ARPC1A: variants seen among roughly 807,000 people sequenced by gnomAD.
ARPC1A encodes actin-related protein 2/3 complex subunit 1A.
In ARPC1A, 8 loss-of-function variants were observed where a neutral mutation model predicts 46.9. The observed-to-expected ratio is 0.17, with a 90% CI of 0.10 to 0.31. ARPC1A has a LOEUF of 0.31. ARPC1A is among the 10% of genes least tolerant of loss of function. The pLI, the probability that ARPC1A is intolerant of heterozygous loss-of-function variation, is 1.00. For synonymous variants in ARPC1A, 152 were observed against 169.0 expected, an observed-to-expected ratio of 0.90 and a Z score of 0.78; for missense variants, 286 against 483.6, an observed-to-expected ratio of 0.59 and a Z score of 3.83.
At chr7:99,359,486 G>T (rs764079066) in intron 7 of ARPC1A, 59 bp from the exon 8 acceptor site, 1 of 1,535,458 alleles carries the variant, frequency 6.5e-7, no homozygotes. Flanking sequence ...TGAACACTCT[G>T]CCAAGGAGGT....
At chr7:99,352,503 T>G (rs1334253653) in intron 5 of ARPC1A, among the ~76,000 whole-genome samples, 2 of 146,606 alleles carry the variant, frequency 1.4e-5, no homozygotes, top group Non-Finnish European at 3.0e-5. Flanking sequence ...CAAAAAATTT[T>G]AAAATATTAG....
intron 2 of ARPC1A, among the ~76,000 whole-genome samples, chr7:99,334,444 C>T (rs1793205007): frequency 6.6e-6 from 1 of 151,922 alleles, no homozygotes; most frequent in African/African-American, 2.4e-5. Context: ...TCCAATTTCG[C>T]TTATTTTTCT....
chr7:99,362,876 C>T (rs970025454), intron 8 of ARPC1A, among the ~76,000 whole-genome samples: 2 of 151,902 alleles, frequency 1.3e-5, no homozygotes, highest in Non-Finnish European at 2.9e-5. Flanking sequence ...TGGTCGGAAT[C>T]TAGTGGTGTG....
At chr7:99,349,479 C>T (rs1256169965) in intron 5 of ARPC1A, among the ~76,000 whole-genome samples, 1 of 151,782 alleles carries the variant, frequency 6.6e-6, no homozygotes, top group Non-Finnish European at 1.5e-5. Flanking sequence ...CTGAGGTGGG[C>T]GGATCACCTG....
intron 1 of ARPC1A, among the ~76,000 whole-genome samples, chr7:99,331,717 A>G (rs2150857997): frequency 6.6e-6 from 1 of 152,202 alleles, no homozygotes; most frequent in African/African-American, 2.4e-5. Flanking sequence ...CCAGGTGTTC[A>G]AGACCAGCCT....
intron 1 of ARPC1A, among the ~76,000 whole-genome samples, chr7:99,326,438 C>G (rs1450681498): frequency 6.6e-6 from 1 of 152,202 alleles, no homozygotes; most frequent in Non-Finnish European, 1.5e-5. Context: ...TAGGGCAGCC[C>G]TCAATCCTTC....
intron 7 of ARPC1A, among the ~76,000 whole-genome samples, chr7:99,358,989 G>A (rs1257046790): frequency 6.6e-6 from 1 of 151,408 alleles, no homozygotes; most frequent in African/African-American, 2.4e-5. Flanking sequence ...CCGCCACCTC[G>A]CCGGGCTAAT....
chr7:99,347,304 C>G (rs1484421448), intron 4 of ARPC1A, among the ~76,000 whole-genome samples: 2 of 152,176 alleles, frequency 1.3e-5, no homozygotes, highest in Non-Finnish European at 1.5e-5. Context: ...TTCCTGTACT[C>G]AAGCAATCCT....
At chr7:99,348,606 C>A (rs544512054) in intron 4 of ARPC1A, among the ~76,000 whole-genome samples, 8 of 152,242 alleles carry the variant, frequency 5.3e-5, no homozygotes, top group Admixed American at 1.3e-4. Context: ...TTGTCTCTGG[C>A]AGAAGGCCTG....
At chr7:99,349,611 G>A (rs1008432501) in intron 5 of ARPC1A, among the ~76,000 whole-genome samples, 1 of 152,048 alleles carries the variant, frequency 6.6e-6, no homozygotes, top group Admixed American at 6.6e-5. Flanking sequence ...GGCTGAGGTG[G>A]GCGGATCACA....
chr7:99,348,589 A>G (rs1209320406), intron 4 of ARPC1A, among the ~76,000 whole-genome samples: 1 of 152,218 alleles, frequency 6.6e-6, no homozygotes, highest in East Asian at 1.9e-4. Flanking sequence ...CCTGGTATCA[A>G]AAAACCTTGT....
intron 5 of ARPC1A, among the ~76,000 whole-genome samples, chr7:99,350,400 A>C (rs1475041494): frequency 6.6e-6 from 1 of 152,164 alleles, no homozygotes; most frequent in African/African-American, 2.4e-5. Flanking sequence ...CTAAGCTGTT[A>C]TTGTGCTGTT....
chr7:99,336,601 C>A (rs932486860), intron 2 of ARPC1A, among the ~76,000 whole-genome samples: 16 of 144,982 alleles, frequency 1.1e-4, no homozygotes, highest in African/African-American at 4.1e-4. Context: ...TCAAGCGATT[C>A]TCCTGCCTCA....
chr7:99,333,843 A>G (rs1793190239), intron 2 of ARPC1A, among the ~76,000 whole-genome samples: 1 of 152,146 alleles, frequency 6.6e-6, no homozygotes, highest in African/African-American at 2.4e-5. Flanking sequence ...GACAGATAAT[A>G]TGACAAGATG....
chr7:99,362,003 G>A (rs919711610), intron 8 of ARPC1A, among the ~76,000 whole-genome samples: 3 of 152,050 alleles, frequency 2.0e-5, no homozygotes, highest in Non-Finnish European at 2.9e-5. Context: ...ATTTAAAAAC[G>A]TAAAAGCCGG....
intron 5 of ARPC1A, 89 bp from the exon 6 acceptor site, chr7:99,353,820 T>G: frequency 1.5e-6 from 2 of 1,298,196 alleles, no homozygotes; most frequent in Non-Finnish European, 2.2e-6. Context: ...CTTTGCATTC[T>G]GAGATTCCTT....
At chr7:99,359,207 G>A (rs1253678068) in intron 7 of ARPC1A, among the ~76,000 whole-genome samples, 2 of 151,656 alleles carry the variant, frequency 1.3e-5, no homozygotes, top group Non-Finnish European at 2.9e-5. Context: ...AGGCCAAGGC[G>A]GGTGGTTCAC....
At chr7:99,334,030 CATAT>C (rs758964838) in intron 2 of ARPC1A, among the ~76,000 whole-genome samples, 34 of 125,800 alleles carry the variant, frequency 2.7e-4, no homozygotes, top group East Asian at 1.7e-3. Context: ...CACACACACA[CATAT>C]ATATGTATTT....
Position 99,359,540 on chromosome 7 carries a change from T to A in ARPC1A, c.790-5T>A. 6.2e-7 allele frequency: 1 copy of A among 1,613,776 alleles called. No individual in the cohort carries two copies. Among genetic ancestry groups the A allele is most frequent in the Non-Finnish European group, 8.5e-7 (1 of 1,179,996 alleles). ...CCTCCAGGGACTGACTGAGTCTTGT[T>A]TCAGGGCCATGACTGCTGCCCAATG... On this transcript the variant is annotated splice_polypyrimidine_tract_variant and splice_region_variant and intron_variant, in intron 7 of 9. Transcript: ENST00000262942.
Sources: allele counts gnomAD v4.1 joint callset (sites outside exome capture counted in the v4.1 genomes callset), GRCh38; gene constraint gnomAD v4.1.1; transcripts MANE v1.5; gene names NCBI Gene and HGNC (gene_info 2026-07-23, HGNC 2026-07-21).